The following PPP2R3B variants were observed in gnomAD, a reference collection of about 807,000 sequenced individuals.
PPP2R3B encodes the protein serine/threonine-protein phosphatase 2A regulatory subunit B'' subunit beta.
Under a neutral mutation model 72.9 loss-of-function variants are expected in PPP2R3B, and 68 were observed. The ratio of observed to expected loss-of-function variants is 0.93; its 90% CI spans 0.77 to 1.14. The LOEUF (loss-of-function observed/expected upper bound fraction) is 1.14, where lower values mean the gene tolerates loss of function less well. Among genes scored for constraint, PPP2R3B ranks in the 50% most tolerant of loss-of-function variants. PPP2R3B has a pLI of 0.00. For missense variants in PPP2R3B, 1,018 were observed against 842.0 expected (o/e 1.21, Z -2.59); for synonymous variants, 466 against 375.8 (o/e 1.24, Z -2.78).
rs185967309 is a variant in PPP2R3B, at chrX:370,297, A to G, written c.325-8707T>C. On this transcript the variant is annotated intron_variant, in intron 1 of 12. Coordinates refer to ENST00000390665, the MANE Select transcript of PPP2R3B (RefSeq NM_013239.5). ...TAGGCCAGAGCTCACGTGGGCTAAC[A>G]TTCACTCAGACACATGACTGCAGCC... Among the ~76,000 whole-genome samples, 370 of 152,264 alleles carry G rather than the reference A, an allele frequency of 2.4e-3. 3 individuals are homozygous for G. Among genetic ancestry groups the G allele is most frequent in the African/African-American group, 8.6e-3 (359 of 41,546 alleles).
chrX:346,430 C>A lies in PPP2R3B; in HGVS notation c.793-170G>T, dbSNP rs756315844. ...CCCTGCGGGAGGCGCCGCCCCAGGC[C>A]GCGGAAAGCGGGGAGGGTCTGGCCG... is the stretch of plus-strand genomic sequence containing the variant. On this transcript the variant is annotated intron_variant, in intron 5 of 12. Coordinates refer to ENST00000390665, the MANE Select transcript of PPP2R3B (RefSeq NM_013239.5). 36 of 677,240 alleles carry A rather than the reference C, an allele frequency of 5.3e-5. No homozygotes were observed. The African/African-American group carries it at 6.0e-4, about 11-fold the overall frequency. 42.0% of individuals were successfully genotyped at this position (677,240 alleles called of 1,614,324 possible).
At chrX:375,725 C>T (rs1053692065) in intron 1 of PPP2R3B, among the ~76,000 whole-genome samples, 1 of 151,888 alleles carries the variant, frequency 6.6e-6, no homozygotes, top group African/African-American at 2.4e-5. Context: ...GATCTCCCTC[C>T]GAAAGTCAAA....
intron 1 of PPP2R3B, among the ~76,000 whole-genome samples, chrX:385,843 G>T (rs1040338989): frequency 4.6e-5 from 7 of 152,274 alleles, no homozygotes; most frequent in Non-Finnish European, 8.8e-5. Context: ...CACTTTGGGA[G>T]GCCAAGGCGG....
intron 1 of PPP2R3B, among the ~76,000 whole-genome samples, chrX:363,636 T>C (rs1266040821): frequency 2.1e-5 from 1 of 46,822 alleles, no homozygotes; most frequent in Non-Finnish European, 4.3e-5. Context: ...GAGCCCACCA[T>C]CCCACAGTCA....
Position 340,816 on chromosome X carries a change from A to G in PPP2R3B, c.1300T>C (p.Phe434Leu). 6.2e-7 allele frequency: 1 copy of G among 1,608,742 alleles called. No homozygotes were observed. The highest frequency in any genetic ancestry group is 2.2e-5 in the East Asian group (1 of 44,660). The change falls in exon 10 of 13, where the codon TTC becomes CTC. Residue 434 changes from phenylalanine (F) to leucine (L), a missense_variant. Phe to Leu is a conservative substitution (Grantham distance 22, BLOSUM62 0). Coordinates refer to ENST00000390665, the MANE Select transcript of PPP2R3B (RefSeq NM_013239.5). ...AGCATCTGGCAGAGGCAGTCCTGGA[A>G]GGGCAGGGCCTCGATGGCCATGCTG... ...LDSMAIEALP[F>L]QDCLCQMLDL... is the part of the protein sequence containing the mutation.
At chrX:348,581 A>AAAAAAAAAAAAAAAAAAAAAAAAG (rs111787156) in intron 2 of PPP2R3B, among the ~76,000 whole-genome samples, 3 of 144,452 alleles carry the variant, frequency 2.1e-5, no homozygotes, top group African/African-American at 7.9e-5. Flanking sequence ...GTCTCAAAAA[A>AAAAAAAAAAAAAAAAAAAAAAAAG]AGAGCAAATA....
At chrX:341,236 G>A (rs1278773764) in intron 9 of PPP2R3B, 71 bp downstream of exon 9, 3 of 1,549,728 alleles carry the variant, frequency 1.9e-6, no homozygotes, top group Non-Finnish European at 2.7e-6. Flanking sequence ...GCATCCGCCT[G>A]GGGACACATG....
At position 334,463 on chromosome X, in the gene PPP2R3B, C is replaced by T. The variant is rs147269493; in HGVS notation, c.1632G>A (p.Pro544=). ...VEQKLSALRS[P]LAQRPFFEAP... ...CCTCGAAGAAGGGCCTCTGGGCCAG[C>T]GGGGAGCGCAGCGCACTCAGCTTCT... Residue 544 remains proline, a synonymous_variant, in exon 13 of 13, where the codon CCG becomes CCA. Transcript: ENST00000390665. 2.0e-4 allele frequency: 311 copies of T among 1,594,142 alleles called. 1 individual carries two copies. Among genetic ancestry groups the T allele is most frequent in the African/African-American group, 1.1e-3 (82 of 73,988 alleles).
At chrX:371,330 CACGGCGTGA>C (rs2071858457) in intron 1 of PPP2R3B, among the ~76,000 whole-genome samples, 1 of 152,184 alleles carries the variant, frequency 6.6e-6, no homozygotes, top group South Asian at 2.1e-4. Context: ...TCCCCGGACC[CACGGCGTGA>C]ACGCATGCTG....
At chrX:355,342 G>C (rs1167096148) in intron 2 of PPP2R3B, among the ~76,000 whole-genome samples, 5 of 152,228 alleles carry the variant, frequency 3.3e-5, no homozygotes, top group Admixed American at 3.3e-4. Context: ...TGAAAGAAGT[G>C]AAAGATGCCT....
At chrX:379,362 C>G (rs1360117998) in intron 1 of PPP2R3B, among the ~76,000 whole-genome samples, 2 of 138,040 alleles carry the variant, frequency 1.4e-5, no homozygotes, top group African/African-American at 5.7e-5. Flanking sequence ...GTGTATGCAC[C>G]TATGTGTGTA....
chrX:381,306 T>G (rs1603142365), intron 1 of PPP2R3B, among the ~76,000 whole-genome samples: 1 of 152,146 alleles, frequency 6.6e-6, no homozygotes, highest in African/African-American at 2.4e-5. Context: ...AAACACAGAA[T>G]GCAATCTCTC....
chrX:363,342 A>G (rs1603094490), intron 1 of PPP2R3B, among the ~76,000 whole-genome samples: 12 of 124,100 alleles, frequency 9.7e-5, no homozygotes, highest in South Asian at 2.8e-4. Context: ...CCCCGAGCCC[A>G]CCATCCCGCA....
chrX:358,929 A>G (rs2071489345), intron 2 of PPP2R3B, among the ~76,000 whole-genome samples: 1 of 88,120 alleles, frequency 1.1e-5, no homozygotes, highest in Non-Finnish European at 2.1e-5. Flanking sequence ...CTGGCGGGGA[A>G]GCACCGCGGC....
Position 346,526 on chromosome X carries a change from C to T in PPP2R3B, c.792+175G>A, listed in dbSNP as rs747984753. On this transcript the variant is annotated intron_variant, in intron 5 of 12. Coordinates refer to ENST00000390665, the MANE Select transcript of PPP2R3B (RefSeq NM_013239.5). ...TGCGGCCACCCCGGAAAACCAGAGT[C>T]CCCCCAACACCGGGCTCCCGGGCGG... is the stretch of plus-strand genomic sequence containing the variant. 2,935 of 667,708 alleles carry T rather than the reference C, an allele frequency of 4.4e-3. 15 individuals are homozygous for T. Among genetic ancestry groups the T allele is most frequent in the Non-Finnish European group, 6.4e-3 (2,564 of 401,828 alleles). 41.4% of individuals were successfully genotyped at this position (667,708 alleles called of 1,614,324 possible). A position where few individuals can be genotyped will look rare whatever the true frequency, so the allele number is the denominator to read the frequency against.
At position 353,653 on chromosome X, in the gene PPP2R3B, G is replaced by A. The variant is rs377072975; in HGVS notation, c.511-5960C>T. Among the ~76,000 whole-genome samples, 405 of 152,374 alleles carry A rather than the reference G, an allele frequency of 2.7e-3. 4 individuals carry two copies. Among genetic ancestry groups the A allele is most frequent in the African/African-American group, 9.3e-3 (385 of 41,582 alleles). ...AGGAGACCGCAGGCCAGTCCTTCACGAGCGCAGACGCAACCCCTGCGAGGC... is the reference window on the plus strand; with the variant it reads ...AGGAGACCGCAGGCCAGTCCTTCACAAGCGCAGACGCAACCCCTGCGAGGC... On this transcript the variant is annotated intron_variant, in intron 2 of 12. Coordinates refer to ENST00000390665, the MANE Select transcript of PPP2R3B (RefSeq NM_013239.5).
At chrX:376,548 G>A (rs2072000508) in intron 1 of PPP2R3B, among the ~76,000 whole-genome samples, 1 of 130,694 alleles carries the variant, frequency 7.7e-6, no homozygotes, top group Non-Finnish European at 1.6e-5. Flanking sequence ...ACCCAGTGGG[G>A]CCGCCATGGG....
intron 2 of PPP2R3B, among the ~76,000 whole-genome samples, chrX:358,684 G>A (rs1229940537): frequency 6.6e-6 from 1 of 152,252 alleles, no homozygotes; most frequent in African/African-American, 2.4e-5. Flanking sequence ...CAAGGCCAGT[G>A]CCGCTGTGCG....
Position 386,726 on chromosome X carries a change from C to G in PPP2R3B, c.-35G>C. On this transcript the variant is annotated 5_prime_UTR_variant, in exon 1 of 13. Transcript: ENST00000390665. ...TGGGCCCGCGGCGCCCCCGGACGCC[C>G]GCGCCCCGCCCCGCCCCGGGGGCTT... The G allele has an allele frequency of 8.3e-7, 1 of 1,207,748 alleles. No individual in the cohort carries two copies. The highest frequency in any genetic ancestry group is 1.0e-6 in the Non-Finnish European group (1 of 975,038). The allele number at this position is 1,207,748 out of a possible 1,614,324, so 74.8% of individuals were successfully genotyped here.
Sources: allele counts gnomAD v4.1 joint callset (sites outside exome capture counted in the v4.1 genomes callset), GRCh38; gene constraint gnomAD v4.1.1; transcripts MANE v1.5; gene names NCBI Gene and HGNC (gene_info 2026-07-23, HGNC 2026-07-21).